Variants in CADM2 observed in about 807,000 individuals in gnomAD.
CADM2 encodes immunoglobulin superfamily member 4D.
In CADM2, 12 loss-of-function variants were observed where a neutral mutation model predicts 49.8. The observed-to-expected ratio is 0.24, with a 90% confidence interval of 0.15 to 0.39. The LOEUF (loss-of-function observed/expected upper bound fraction) is 0.39. Among genes scored for constraint, CADM2 ranks in the 10% least tolerant of loss-of-function variants. CADM2 has a pLI of 1.00. For missense variants in CADM2, 378 were observed against 492.3 expected, an observed-to-expected ratio of 0.77 and a Z score of 2.20; for synonymous variants, 214 against 175.4, an observed-to-expected ratio of 1.22 and a Z score of -1.74.
chr3:85,409,642 T>TTA lies in CADM2; in HGVS notation c.62-316880_62-316879insTA, dbSNP rs1460895964. On this transcript the variant is annotated intron_variant, in intron 1 of 9. Transcript: ENST00000383699. ...ATTTTGAAAGCGTACTGGAGGAGGA[T>TTA]AATAGCAAGGGAAGGGAATGGAGGC... 3.9e-5 allele frequency among the ~76,000 whole-genome samples: 6 copies of TTA among 152,170 alleles called. No individual in the cohort carries two copies. In the East Asian group the frequency reaches 9.7e-4, roughly 24 times the overall value.
At chr3:85,925,445 A>T (rs1262474040) in intron 6 of CADM2, among the ~76,000 whole-genome samples, 1 of 152,240 alleles carries the variant, frequency 6.6e-6, no homozygotes, top group African/African-American at 2.4e-5. Context: ...AGTATTAAGA[A>T]ATGTAAGTTA....
intron 1 of CADM2, among the ~76,000 whole-genome samples, chr3:85,156,059 A>C (rs1456950800): frequency 6.6e-6 from 1 of 152,200 alleles, no homozygotes; most frequent in African/African-American, 2.4e-5. Flanking sequence ...TCACAATTAA[A>C]AGAACTAGAA....
At chr3:85,004,062 T>C (rs558028176) in intron 1 of CADM2, among the ~76,000 whole-genome samples, 4 of 152,310 alleles carry the variant, frequency 2.6e-5, no homozygotes, top group African/African-American at 9.6e-5. Context: ...CTGCCAGTTT[T>C]TCTTCCACAA....
chr3:85,825,509 CA>C (rs2073857587), intron 3 of CADM2, among the ~76,000 whole-genome samples: 1 of 151,936 alleles, frequency 6.6e-6, no homozygotes, highest in Non-Finnish European at 1.5e-5. Context: ...AGCCAGAGGA[CA>C]GGGGTGCTGG....
chr3:85,852,862 C>T (rs960993486), intron 3 of CADM2, among the ~76,000 whole-genome samples: 3 of 152,040 alleles, frequency 2.0e-5, no homozygotes, highest in Non-Finnish European at 4.4e-5. Flanking sequence ...CATCATCTAA[C>T]TCAGCACCTG....
intron 7 of CADM2, among the ~76,000 whole-genome samples, chr3:85,955,306 C>T (rs940999709): frequency 6.6e-6 from 1 of 151,316 alleles, no homozygotes; most frequent in African/African-American, 2.4e-5. Flanking sequence ...GCACGAATCC[C>T]AAGGGGGATA....
chr3:85,677,975 G>T (rs1366498930), intron 1 of CADM2, among the ~76,000 whole-genome samples: 3 of 152,180 alleles, frequency 2.0e-5, no homozygotes, highest in Admixed American at 2.0e-4. Flanking sequence ...GATTTACTAT[G>T]CCTACAACTA....
chr3:85,747,784 A>G (rs985222494), intron 2 of CADM2, among the ~76,000 whole-genome samples: 2 of 152,098 alleles, frequency 1.3e-5, no homozygotes, highest in African/African-American at 4.8e-5. Flanking sequence ...TCTCAATGAG[A>G]TCATCAAAAC....
intron 1 of CADM2, among the ~76,000 whole-genome samples, chr3:85,094,965 A>G (rs1355706600): frequency 1.3e-5 from 2 of 152,132 alleles, no homozygotes; most frequent in Non-Finnish European, 2.9e-5. Flanking sequence ...CTCCGAAAGG[A>G]CCATGTATAT....
chr3:85,744,511 TA>T (rs1002776793), intron 2 of CADM2, among the ~76,000 whole-genome samples: 2 of 150,880 alleles, frequency 1.3e-5, no homozygotes, highest in African/African-American at 4.9e-5. Context: ...CCACAAAAAA[TA>T]AAAAAATATA....
chr3:85,467,857 C>G (rs1462194275), intron 1 of CADM2, among the ~76,000 whole-genome samples: 1 of 152,118 alleles, frequency 6.6e-6, no homozygotes, highest in African/African-American at 2.4e-5. Flanking sequence ...AAGACAGTTT[C>G]ATTCGACACT....
intron 3 of CADM2, among the ~76,000 whole-genome samples, chr3:85,838,634 A>G (rs1241403249): frequency 1.3e-5 from 2 of 151,790 alleles, no homozygotes; most frequent in Non-Finnish European, 1.5e-5. Flanking sequence ...TTTAAATAGT[A>G]TTTTTAAAAA....
At chr3:85,476,422 A>AT (rs996148081) in intron 1 of CADM2, among the ~76,000 whole-genome samples, 3 of 151,938 alleles carry the variant, frequency 2.0e-5, no homozygotes, top group African/African-American at 7.2e-5. Context: ...ATTTTAAAAA[A>AT]TGATATTCTT....
At chr3:85,114,030 T>A (rs541808533) in intron 1 of CADM2, among the ~76,000 whole-genome samples, 1 of 152,212 alleles carries the variant, frequency 6.6e-6, no homozygotes, top group East Asian at 1.9e-4. Flanking sequence ...TATGTTTGTG[T>A]GACCTTGTTA....
Position 86,066,924 on chromosome 3 carries a change from C to G in CADM2, c.*141C>G. The stretch of plus-strand genomic sequence containing the variant: ...TACTGCTATCAGTAGCCAGTGTATA[C>G]CAACAATCAGCTGTTGAAAGCATCA... On this transcript the variant is annotated 3_prime_UTR_variant, in exon 10 of 10. Coordinates refer to ENST00000383699, the MANE Select transcript of CADM2 (RefSeq NM_001167675.2). 1.5e-6 allele frequency: 1 copy of G among 659,282 alleles called. No individual in the cohort carries two copies. 40.8% of individuals were successfully genotyped at this position (659,282 alleles called of 1,614,324 possible). A position where few individuals can be genotyped will look rare whatever the true frequency, so the allele number is the denominator to read the frequency against.
intron 1 of CADM2, among the ~76,000 whole-genome samples, chr3:85,084,030 G>A (rs996364449): frequency 7.2e-5 from 11 of 152,140 alleles, no homozygotes; most frequent in African/African-American, 2.7e-4. Flanking sequence ...ATGCCCTGCT[G>A]TTTTCAACTC....
intron 6 of CADM2, among the ~76,000 whole-genome samples, chr3:85,920,044 T>A (rs898631434): frequency 2.6e-5 from 4 of 151,888 alleles, no homozygotes; most frequent in African/African-American, 9.7e-5. Flanking sequence ...CACAAACCCG[T>A]ACGTTTCTCT....
intron 7 of CADM2, among the ~76,000 whole-genome samples, chr3:85,955,946 T>G (rs555030797): frequency 1.8e-4 from 28 of 151,800 alleles, no homozygotes; most frequent in African/African-American, 6.0e-4. Context: ...AGGAAGAAAC[T>G]TCTGAAAAAA....
chr3:85,545,277 A>T lies in CADM2; in HGVS notation c.62-181245A>T, dbSNP rs550938754. Among the ~76,000 whole-genome samples the T allele has an allele frequency of 2.0e-3, 306 of 152,298 alleles. 2 individuals carry two copies. Among genetic ancestry groups the T allele is most frequent in the African/African-American group, 7.0e-3 (292 of 41,556 alleles). ...ACTTAATATGGTGGAAGTGTAAAAA[A>T]ACAATTGTAATGACTATTTTTTGGG... On this transcript the variant is annotated intron_variant, in intron 1 of 9. Transcript: ENST00000383699.
Sources: gnomAD v4.1 joint callset for allele counts (sites outside exome capture counted in the v4.1 genomes callset) on GRCh38, gnomAD v4.1.1 for gene constraint, MANE v1.5 for transcripts, NCBI Gene and HGNC (gene_info 2026-07-23, HGNC 2026-07-21) for gene names.